OTOG: variants seen among roughly 807,000 people sequenced by gnomAD.
The protein encoded by OTOG is otogelin.
In OTOG, 296 loss-of-function variants were observed where a neutral mutation model predicts 313.8. The ratio of observed to expected loss-of-function variants is 0.94; its 90% CI spans 0.86 to 1.04. The LOEUF (loss-of-function observed/expected upper bound fraction) is 1.04, where lower values mean the gene tolerates loss of function less well. Among genes scored for constraint, OTOG ranks in the 50% least tolerant of loss-of-function variants. The probability of loss-of-function intolerance (pLI) is 0.00; values close to 1 mark genes in which losing one functional copy is unlikely to be tolerated. For synonymous variants in OTOG, 1,533 were observed against 1,554.9 expected (o/e 0.99, Z 0.33); for missense variants, 3,948 against 3,840.1 (o/e 1.03, Z -0.74).
At chr11:17,637,228 C>G (rs1854288421) in intron 47 of OTOG, among the ~76,000 whole-genome samples, 1 of 151,616 alleles carries the variant, frequency 6.6e-6, no homozygotes, top group Non-Finnish European at 1.5e-5. Flanking sequence ...TGGACATACT[C>G]TTTTTTTTTA....
intron 7 of OTOG, 44 bp downstream of exon 7, chr11:17,555,941 C>A: frequency 6.9e-7 from 1 of 1,440,662 alleles, no homozygotes; most frequent in Non-Finnish European, 9.5e-7. Flanking sequence ...ATCCCTGACA[C>A]TGGTGGTGGT....
chr11:17,553,517 C>T lies in OTOG; in HGVS notation c.538C>T (p.Gln180Ter), dbSNP rs1851991847. ...HEPEGQSFSI[Q>*]VHNDPQCGSS... ...GCCCGAGGGACAGAGCTTCTCCATCCAGGTGAGGCCTCCCCTGCCTTGCCT... is the reference window on the plus strand; with the variant it reads ...GCCCGAGGGACAGAGCTTCTCCATCTAGGTGAGGCCTCCCCTGCCTTGCCT... The change falls in exon 6 of 56, where the codon CAG becomes TAG. Residue 180 changes from glutamine (Q) to a stop codon, truncating the protein, a stop_gained and splice_region_variant. Coordinates refer to ENST00000399397, the MANE Select transcript of OTOG (RefSeq NM_001292063.2). LOFTEE classifies it high-confidence loss of function. 2 of 1,432,866 alleles carry T rather than the reference C, an allele frequency of 1.4e-6. No individual in the cohort carries two copies. Among genetic ancestry groups the T allele is most frequent in the African/African-American group, 1.4e-5 (1 of 69,546 alleles). The allele number at this position is 1,432,866 out of a possible 1,614,324, so 88.8% of individuals were successfully genotyped here. A position where few individuals can be genotyped will look rare whatever the true frequency, so the allele number is the denominator to read the frequency against.
intron 23 of OTOG, among the ~76,000 whole-genome samples, chr11:17,579,437 C>G (rs1852615103): frequency 6.6e-6 from 1 of 152,088 alleles, no homozygotes. Flanking sequence ...GAAACTGAGG[C>G]CAGGGGAAGG....
At position 17,578,512 on chromosome 11, in the gene OTOG, C is replaced by A. The variant is rs548576814; in HGVS notation, c.2745C>A (p.Cys915Ter). Residue 915 changes from cysteine to a stop codon, truncating the protein, a stop_gained, in exon 23 of 56, where the codon TGC becomes TGA. Transcript: ENST00000399397. LOFTEE classifies it high-confidence loss of function. The stretch of plus-strand genomic sequence containing the variant: ...CCCGTGGCCCCTGCCTCTCGGGCTG[C>A]GCCTGTCCCCAGGGGTAAGTACCCA... ...VSARGPCLSG[C>*]ACPQGLLRHG... 1.3e-6 allele frequency: 2 copies of A among 1,535,916 alleles called. No individual in the cohort carries two copies. The highest frequency in any genetic ancestry group is 2.0e-5 in the Admixed American group (1 of 50,648).
intron 40 of OTOG, among the ~76,000 whole-genome samples, chr11:17,631,415 C>T (rs769513432): frequency 1.1e-4 from 16 of 150,722 alleles, no homozygotes; most frequent in Admixed American, 6.6e-4. Context: ...TTTTTATATG[C>T]ACATGCAATA....
chr11:17,634,085 G>A lies in OTOG; in HGVS notation c.7284G>A (p.Met2428Ile), dbSNP rs1565127555. ...CCTCTGCAGCCTGCACTGACAGCAT[G>A]GGGGTGCCGAGGGCCCTGGGGGAGA... is the stretch of plus-strand genomic sequence containing the variant. ...PEAKCACTDS[M>I]GVPRALGETW... The change falls in exon 44 of 56, where the codon ATG becomes ATA. Residue 2428 changes from methionine to isoleucine, a missense_variant. By Grantham distance (10) the Met-to-Ile change is conservative (BLOSUM62 1). Transcript: ENST00000399397. 6.5e-7 allele frequency: 1 copy of A among 1,546,326 alleles called. No individual in the cohort carries two copies. The highest frequency in any genetic ancestry group is 8.7e-7 in the Non-Finnish European group (1 of 1,146,884).
Position 17,553,166 on chromosome 11 carries a change from T to C in OTOG, c.340T>C (p.Cys114Arg). 6.4e-7 allele frequency: 1 copy of C among 1,550,582 alleles called. No homozygotes were observed. The highest frequency in any genetic ancestry group is 8.7e-7 in the Non-Finnish European group (1 of 1,146,988). ...NGGECVHPAF[C>R]DCRRFNATGP... ...AGGCGAGTGTGTGCACCCAGCCTTC[T>C]GTGACTGCAGACGCTTCAATGCCAC... Residue 114 changes from cysteine to arginine, a missense_variant, in exon 5 of 56, where the codon TGT becomes CGT. Cys to Arg is a radical substitution (Grantham distance 180, BLOSUM62 -3). Transcript: ENST00000399397.
chr11:17,553,647 C>G (rs1851995411), intron 6 of OTOG, 128 bp downstream of exon 6: 1 of 901,616 alleles, frequency 1.1e-6, no homozygotes, highest in Non-Finnish European at 1.5e-6. Context: ...CCCCAGCTCC[C>G]ACCCAGGCAG....
chr11:17,608,933 ATACACATTGGGTGTGTGTGCTCCTG>A (rs1360508705), intron 34 of OTOG, among the ~76,000 whole-genome samples, 172 bp from the exon 35 acceptor site: 2 of 152,108 alleles, frequency 1.3e-5, no homozygotes, highest in African/African-American at 2.4e-5. Context: ...AGTGTGCCGC[ATACACATTGGGTGTGTGTGCTCCTG>A]TACATGTGTG....
intron 37 of OTOG, 110 bp downstream of exon 37, chr11:17,612,440 C>T (rs1853585048): frequency 2.1e-6 from 3 of 1,417,398 alleles, no homozygotes; most frequent in African/African-American, 1.4e-5. Context: ...GGGACCCCGA[C>T]CTGGCAGATT....
In OTOG at chr11:17,572,103, G is replaced by A. The variant is rs1004986660; in HGVS notation, c.1979G>A (p.Ser660Asn). 1 of 1,550,464 alleles carries A rather than the reference G, an allele frequency of 6.4e-7. No homozygotes were observed. The highest frequency in any genetic ancestry group is 1.2e-5 in the South Asian group (1 of 84,050). The change falls in exon 18 of 56, where the codon AGC becomes AAC. Residue 660 changes from serine (S) to asparagine (N), a missense_variant. Physicochemically the swap from Ser to Asn is conservative, Grantham distance 46 (BLOSUM62 1). Coordinates refer to ENST00000399397, the MANE Select transcript of OTOG (RefSeq NM_001292063.2). Reference sequence around the variant, plus strand: ...AGGTCTCCAGTGGGTGTACCTGAGAGCACCCCACAACTTTTTGGCAATTCC... The same window carrying A: ...AGGTCTCCAGTGGGTGTACCTGAGAACACCCCACAACTTTTTGGCAATTCC... ...DFLSPVGVPESTPQLFGNSWK... is the reference protein window; with the variant it reads ...DFLSPVGVPENTPQLFGNSWK...
intron 32 of OTOG, 117 bp from the exon 33 acceptor site, chr11:17,605,740 G>A: frequency 1.7e-6 from 2 of 1,144,284 alleles, no homozygotes; most frequent in Non-Finnish European, 2.4e-6. Flanking sequence ...GGGCCTGCTG[G>A]TCTGCAGGCG....
At chr11:17,611,928 G>A (rs1853560671) in intron 36 of OTOG, among the ~76,000 whole-genome samples, 1 of 152,068 alleles carries the variant, frequency 6.6e-6, no homozygotes, top group Non-Finnish European at 1.5e-5. Flanking sequence ...CTCAGCGCAG[G>A]CCAGGCAGAT....
intron 49 of OTOG, among the ~76,000 whole-genome samples, chr11:17,639,889 G>A (rs1461669578): frequency 1.4e-5 from 2 of 147,348 alleles, no homozygotes; most frequent in African/African-American, 5.3e-5. Flanking sequence ...TGGTGATGGT[G>A]AGGATGATGG....
rs1852489700 is a variant in OTOG at position 17,574,879 on chromosome 11, A to G, written c.2453A>G (p.Tyr818Cys). 4 of 1,537,086 alleles carry G rather than the reference A, an allele frequency of 2.6e-6. No individual in the cohort carries two copies. The highest frequency in any genetic ancestry group is 1.7e-4 in the Middle Eastern group (1 of 5,964). ...GGCTGTGCCTGCCCACCGGACACCTATCTGGACACCCAGGCTGACCTCTGT... is the reference window on the plus strand; with the variant it reads ...GGCTGTGCCTGCCCACCGGACACCTGTCTGGACACCCAGGCTGACCTCTGT... ...VEGCACPPDT[Y>C]LDTQADLCVP... The change falls in exon 20 of 56, where the codon TAT becomes TGT. Residue 818 changes from tyrosine to cysteine, a missense_variant. Transcript: ENST00000399397.
chr11:17,612,651 C>A lies in OTOG; in HGVS notation c.6324C>A (p.Phe2108Leu). The A allele has an allele frequency of 6.4e-7, 1 of 1,550,618 alleles. No individual in the cohort carries two copies. Among genetic ancestry groups the A allele is most frequent in the South Asian group, 1.2e-5 (1 of 84,054 alleles). Residue 2108 changes from phenylalanine to leucine, a missense_variant, in exon 38 of 56, where the codon TTC (phenylalanine) becomes TTA (leucine). Physicochemically the swap from Phe to Leu is conservative, Grantham distance 22 (BLOSUM62 0). Transcript: ENST00000399397. ...CRCSIFPDLS[F>L]VTFDGSHVAL... ...GCTCAATCTTCCCTGACCTGAGCTT[C>A]GTGACCTTCGATGGGAGCCACGTAG...
At position 17,631,870 on chromosome 11, in the gene OTOG, C is replaced by T. The variant is rs763582813; in HGVS notation, c.6881C>T (p.Ser2294Leu). ...GACAGCTGCGCCACAACTGACTGCT[C>T]GCCCTGCCTTCGCATGGTGTCCAAC... Reference protein sequence around the residue: ...RPDSCATTDCSPCLRMVSNRT... With the variant: ...RPDSCATTDCLPCLRMVSNRT... The change falls in exon 41 of 56, where the codon TCG becomes TTG. Residue 2294 changes from serine to leucine, a missense_variant. Coordinates refer to ENST00000399397, the MANE Select transcript of OTOG (RefSeq NM_001292063.2). 17 of 1,550,554 alleles carry T rather than the reference C, an allele frequency of 1.1e-5. No individual in the cohort carries two copies. Among genetic ancestry groups the T allele is most frequent in the Admixed American group, 3.9e-5 (2 of 51,012 alleles).
Position 17,596,989 on chromosome 11 carries a change from C to A in OTOG, c.3664C>A (p.Arg1222=), listed in dbSNP as rs560339163. The change falls in exon 30 of 56, where the codon CGA becomes AGA. Residue 1222 remains arginine (R), a synonymous_variant. Transcript: ENST00000399397. ...CCAGCATGGGGTGGCTGTTGACTGG[C>A]GAACCCCCCGCCTCTGCCGTGAGTG... The part of the protein sequence containing the change: ...CCQHGVAVDW[R]TPRLCPYDCD... 6 of 1,548,596 alleles carry A rather than the reference C, an allele frequency of 3.9e-6. No individual in the cohort carries two copies. Among genetic ancestry groups the A allele is most frequent in the Non-Finnish European group, 5.2e-6 (6 of 1,145,784 alleles).
intron 42 of OTOG, 119 bp from the exon 43 acceptor site, chr11:17,633,561 C>G (rs1156686706): frequency 5.3e-6 from 5 of 947,040 alleles, no homozygotes; most frequent in East Asian, 2.7e-5. Context: ...TATGCACTCT[C>G]TGCTGAGGTG....
Sources: allele counts gnomAD v4.1 joint callset (sites outside exome capture counted in the v4.1 genomes callset), GRCh38; gene constraint gnomAD v4.1.1; transcripts MANE v1.5; gene names NCBI Gene and HGNC (gene_info 2026-07-23, HGNC 2026-07-21).